DLG2: variants seen among roughly 807,000 people sequenced by gnomAD.
DLG2 encodes the protein discs large MAGUK scaffold protein 2, also known as disks large homolog 2.
A neutral mutation model predicts 132.5 loss-of-function variants in DLG2; 45 were observed. The ratio of observed to expected loss-of-function variants is 0.34; its 90% CI spans 0.27 to 0.44. The LOEUF (loss-of-function observed/expected upper bound fraction) is 0.44. DLG2 is among the 20% of genes least tolerant of loss of function. The probability of loss-of-function intolerance (pLI) is 1.00; values close to 1 mark genes in which losing one functional copy is unlikely to be tolerated. For synonymous variants in DLG2, 424 were observed against 419.6 expected (o/e 1.01, Z -0.13); for missense variants, 1,045 against 1,196.9 (o/e 0.87, Z 1.87).
At chr11:83,688,727 T>C (rs2080294195) in intron 18 of DLG2, among the ~76,000 whole-genome samples, 1 of 152,232 alleles carries the variant, frequency 6.6e-6, no homozygotes, top group Non-Finnish European at 1.5e-5. Flanking sequence ...TGTGTGTACC[T>C]TCTTCAATTT....
At chr11:83,992,682 A>C (rs2093791253) in intron 11 of DLG2, among the ~76,000 whole-genome samples, 1 of 152,122 alleles carries the variant, frequency 6.6e-6, no homozygotes, top group Non-Finnish European at 1.5e-5. Context: ...TGGTACTTGG[A>C]TATCAAGAAA....
intron 19 of DLG2, among the ~76,000 whole-genome samples, chr11:83,586,556 T>C (rs1380844352): frequency 3.9e-5 from 6 of 152,238 alleles, no homozygotes. Flanking sequence ...TTCTTCCTGC[T>C]TTTTACCTAT....
chr11:84,241,246 T>C (rs2097220985), intron 8 of DLG2, among the ~76,000 whole-genome samples: 1 of 152,202 alleles, frequency 6.6e-6, no homozygotes, highest in African/African-American at 2.4e-5. Flanking sequence ...GTTTCTGAGG[T>C]ATAACTGTGG....
chr11:84,183,101 A>G (rs2096184489), intron 8 of DLG2, among the ~76,000 whole-genome samples: 1 of 152,192 alleles, frequency 6.6e-6, no homozygotes, highest in African/African-American at 2.4e-5. Flanking sequence ...ATAATTAATA[A>G]CCTTCCCAAA....
chr11:85,392,548 T>C (rs917340855), intron 3 of DLG2, among the ~76,000 whole-genome samples: 3 of 151,946 alleles, frequency 2.0e-5, no homozygotes, highest in African/African-American at 7.3e-5. Context: ...TCTGGAGGCA[T>C]CATACTACCT....
intron 22 of DLG2, among the ~76,000 whole-genome samples, 170 bp downstream of exon 22, chr11:83,483,959 G>C (rs2093332961): frequency 6.6e-6 from 1 of 152,144 alleles, no homozygotes; most frequent in East Asian, 1.9e-4. Flanking sequence ...CATGTGAAAG[G>C]AGGGATCCAG....
At chr11:85,414,460 T>A (rs1163634625) in intron 3 of DLG2, among the ~76,000 whole-genome samples, 1 of 151,630 alleles carries the variant, frequency 6.6e-6, no homozygotes, top group African/African-American at 2.4e-5. Flanking sequence ...TCTGAAAGAG[T>A]GCTTGATATA....
intron 8 of DLG2, among the ~76,000 whole-genome samples, chr11:84,217,664 C>T (rs539595236): frequency 4.6e-5 from 7 of 152,262 alleles, no homozygotes; most frequent in East Asian, 3.9e-4. Context: ...AAATTTCAGG[C>T]GTGTTAACTT....
chr11:84,069,702 T>C (rs1243432543), intron 10 of DLG2, among the ~76,000 whole-genome samples: 4 of 152,246 alleles, frequency 2.6e-5, no homozygotes, highest in East Asian at 1.9e-4. Flanking sequence ...TCTGCAGCTG[T>C]CATCTGGGAA....
chr11:85,181,724 A>C (rs2079716955), intron 4 of DLG2, among the ~76,000 whole-genome samples: 1 of 151,888 alleles, frequency 6.6e-6, no homozygotes, highest in East Asian at 1.9e-4. Context: ...TTTCTACATG[A>C]AAGGAGAATT....
At chr11:84,076,250 G>A (rs979766862) in intron 10 of DLG2, among the ~76,000 whole-genome samples, 1 of 152,192 alleles carries the variant, frequency 6.6e-6, no homozygotes, top group African/African-American at 2.4e-5. Flanking sequence ...AGGCATGAGG[G>A]AAGCAGAAGA....
intron 19 of DLG2, among the ~76,000 whole-genome samples, chr11:83,606,745 T>C (rs2059394255): frequency 1.3e-5 from 2 of 151,434 alleles, no homozygotes; most frequent in Non-Finnish European, 2.9e-5. Context: ...GGCTAATACA[T>C]TGAAACCCCG....
intron 18 of DLG2, among the ~76,000 whole-genome samples, chr11:83,704,452 A>C (rs1383694036): frequency 1.3e-5 from 2 of 152,132 alleles, no homozygotes; most frequent in African/African-American, 4.8e-5. Flanking sequence ...TGTATTTTGC[A>C]GTTTCAACAA....
intron 6 of DLG2, among the ~76,000 whole-genome samples, chr11:84,794,684 C>T (rs1375063292): frequency 6.6e-6 from 1 of 152,224 alleles, no homozygotes; most frequent in African/African-American, 2.4e-5. Flanking sequence ...TCCCTGGTCT[C>T]TCCCCACTCC....
chr11:84,799,111 G>A (rs1257414188), intron 6 of DLG2, among the ~76,000 whole-genome samples: 2 of 152,156 alleles, frequency 1.3e-5, no homozygotes. Flanking sequence ...CTGGCTCTAG[G>A]CCCACAACGG....
chr11:84,584,712 G>A (rs1213089713), intron 6 of DLG2, among the ~76,000 whole-genome samples: 4 of 116,088 alleles, frequency 3.4e-5, no homozygotes, highest in African/African-American at 1.0e-4. Flanking sequence ...TTTTTGAGAC[G>A]GAGTCTCGCT....
At chr11:84,551,491 A>G (rs1368711417) in intron 6 of DLG2, among the ~76,000 whole-genome samples, 1 of 152,194 alleles carries the variant, frequency 6.6e-6, no homozygotes, top group East Asian at 1.9e-4. Flanking sequence ...CTGTGACATG[A>G]CGTGCATATG....
intron 3 of DLG2, among the ~76,000 whole-genome samples, chr11:85,527,176 AT>A (rs57616528): frequency 0.044 from 6,280 of 142,816 alleles, 275 homozygotes; most frequent in African/African-American, 0.12. Flanking sequence ...GGATGTTTTT[AT>A]TTTTTTTTTT....
Position 84,165,001 on chromosome 11 carries a change from G to GAC in DLG2, c.574-1492_574-1491dup, listed in dbSNP as rs149814062. ...TGTATATGCAAAAGTAAAACACACA[G>GAC]ACACACACACACACAAACACACTTC... On this transcript the variant is annotated intron_variant, in intron 8 of 27. Coordinates refer to ENST00000376104, the MANE Select transcript of DLG2 (RefSeq NM_001142699.3). 6.6e-5 allele frequency among the ~76,000 whole-genome samples: 10 copies of GAC among 151,794 alleles called. No individual in the cohort carries two copies. In the East Asian group the frequency reaches 1.5e-3, roughly 23 times the overall value.
Sources: allele counts gnomAD v4.1 joint callset (sites outside exome capture counted in the v4.1 genomes callset), GRCh38; gene constraint gnomAD v4.1.1; transcripts MANE v1.5; gene names NCBI Gene and HGNC (gene_info 2026-07-23, HGNC 2026-07-21).